Variants in OLA1 observed in about 807,000 individuals in gnomAD.
OLA1 encodes the protein obg-like ATPase 1.
A neutral mutation model predicts 48.4 loss-of-function variants in OLA1; 14 were observed. The ratio of observed to expected loss-of-function variants is 0.29; its 90% CI spans 0.19 to 0.45. The LOEUF (loss-of-function observed/expected upper bound fraction) is 0.45, where lower values mean the gene tolerates loss of function less well. Among genes scored for constraint, OLA1 ranks in the 20% least tolerant of loss-of-function variants. The pLI, the probability that OLA1 is intolerant of heterozygous loss-of-function variation, is 1.00. For missense variants in OLA1, 325 were observed against 467.1 expected (o/e 0.70, Z 2.80); for synonymous variants, 127 against 150.4 (o/e 0.84, Z 1.14).
intron 4 of OLA1, among the ~76,000 whole-genome samples, chr2:174,143,987 T>G (rs1686520488): frequency 6.7e-6 from 1 of 148,296 alleles, no homozygotes; most frequent in African/African-American, 2.5e-5. Flanking sequence ...GCTTATACTC[T>G]TGGCTACTGG....
At chr2:174,081,571 T>TC (rs1473937579) in intron 8 of OLA1, among the ~76,000 whole-genome samples, 2 of 152,092 alleles carry the variant, frequency 1.3e-5, no homozygotes, top group African/African-American at 4.8e-5. Context: ...TTGATTGAAA[T>TC]CTGATATTTA....
intron 2 of OLA1, among the ~76,000 whole-genome samples, chr2:174,232,144 C>T (rs1384848570): frequency 6.6e-6 from 1 of 152,118 alleles, no homozygotes; most frequent in Non-Finnish European, 1.5e-5. Context: ...TGTATGCCCC[C>T]TAGACTTAGG....
chr2:174,167,009 TTAAC>T (rs1220172156), intron 4 of OLA1, among the ~76,000 whole-genome samples: 1 of 152,120 alleles, frequency 6.6e-6, no homozygotes, highest in Non-Finnish European at 1.5e-5. Flanking sequence ...AAGATAAAGA[TTAAC>T]TAACATTAAA....
At chr2:174,095,114 G>A (rs1685217176) in intron 7 of OLA1, among the ~76,000 whole-genome samples, 1 of 152,228 alleles carries the variant, frequency 6.6e-6, no homozygotes, top group African/African-American at 2.4e-5. Context: ...ATGAACATGG[G>A]TGTGCAAATA....
chr2:174,201,352 G>T (rs80289765), intron 4 of OLA1, among the ~76,000 whole-genome samples: 7,927 of 152,202 alleles, frequency 0.052, 288 homozygotes, highest in Middle Eastern at 0.13. Flanking sequence ...CTTTTTAAGA[G>T]ACAGTGTCTG....
chr2:174,104,774 T>C (rs573912112), intron 7 of OLA1, among the ~76,000 whole-genome samples: 9 of 152,124 alleles, frequency 5.9e-5, no homozygotes, highest in Admixed American at 5.9e-4. Flanking sequence ...ATAAAATAAT[T>C]ATGCAATTCC....
At chr2:174,118,870 T>C (rs1295416734) in intron 7 of OLA1, among the ~76,000 whole-genome samples, 2 of 152,148 alleles carry the variant, frequency 1.3e-5, no homozygotes, top group African/African-American at 4.8e-5. Context: ...ATTCCTAATA[T>C]GCATAGGGTC....
At chr2:174,111,585 G>GTACA (rs1277992830) in intron 7 of OLA1, among the ~76,000 whole-genome samples, 9 of 152,226 alleles carry the variant, frequency 5.9e-5, no homozygotes, top group Middle Eastern at 3.4e-3. Flanking sequence ...GGATGTACAT[G>GTACA]TACATATACA....
chr2:174,210,797 A>G (rs1324793901), intron 4 of OLA1, among the ~76,000 whole-genome samples: 3 of 152,210 alleles, frequency 2.0e-5, no homozygotes, highest in Admixed American at 2.0e-4. Context: ...TGCACTGCAT[A>G]TATTAAAACA....
chr2:174,143,858 C>T (rs1420946306), intron 4 of OLA1, among the ~76,000 whole-genome samples: 1 of 151,192 alleles, frequency 6.6e-6, no homozygotes, highest in Non-Finnish European at 1.5e-5. Flanking sequence ...AATCCCAGCA[C>T]TTTGGGTGGC....
At chr2:174,081,775 T>C (rs1684858892) in intron 8 of OLA1, 149 bp downstream of exon 8, 1 of 744,246 alleles carries the variant, frequency 1.3e-6, no homozygotes, top group Non-Finnish European at 2.1e-6. Flanking sequence ...AATAAATCTT[T>C]TCACTCTGTC....
At chr2:174,081,778 ACT>A (rs1245467040) in intron 8 of OLA1, 144 bp downstream of exon 8, 13 of 754,278 alleles carry the variant, frequency 1.7e-5, no homozygotes, top group Middle Eastern at 3.9e-4. Context: ...AAATCTTTTC[ACT>A]CTGTCTCATG....
chr2:174,132,706 C>A (rs185777034), intron 5 of OLA1, among the ~76,000 whole-genome samples: 1 of 152,118 alleles, frequency 6.6e-6, no homozygotes, highest in Non-Finnish European at 1.5e-5. Flanking sequence ...GTAATATATT[C>A]TTTATGACTT....
intron 4 of OLA1, among the ~76,000 whole-genome samples, chr2:174,184,598 T>G (rs144041756): frequency 6.9e-4 from 105 of 152,270 alleles, no homozygotes; most frequent in African/African-American, 2.4e-3. Context: ...ACTGGTGAAA[T>G]CTAAATGAAG....
chr2:174,148,108 C>A (rs186247111), intron 4 of OLA1, among the ~76,000 whole-genome samples: 1 of 152,190 alleles, frequency 6.6e-6, no homozygotes. Context: ...CAAAATAGGC[C>A]GGGCGTGGTG....
chr2:174,202,479 C>T (rs75540353), intron 4 of OLA1, among the ~76,000 whole-genome samples: 8 of 152,226 alleles, frequency 5.3e-5, no homozygotes, highest in East Asian at 1.9e-4. Flanking sequence ...TCTTGCAGTT[C>T]TTGTGTTTTT....
At chr2:174,201,091 C>T (rs542527864) in intron 4 of OLA1, among the ~76,000 whole-genome samples, 182 of 152,214 alleles carry the variant, frequency 1.2e-3, no homozygotes, top group African/African-American at 4.2e-3. Flanking sequence ...AAATGCTTGT[C>T]GGCATCAAAG....
rs1686259921 is a variant in OLA1, at chr2:174,134,671, T to A, written c.549+7154A>T. On this transcript the variant is annotated intron_variant, in intron 5 of 10. Transcript: ENST00000284719. ...ATAATAAAGGCACAAAGTTCCAGTA[T>A]GAAATGATGAAAAAGTTCTGAAAAC... 2.0e-5 allele frequency among the ~76,000 whole-genome samples: 3 copies of A among 152,320 alleles called. No homozygotes were observed. In the East Asian group the frequency reaches 5.8e-4, roughly 29 times the overall value.
chr2:174,138,601 C>T (rs1686366167), intron 5 of OLA1, among the ~76,000 whole-genome samples: 1 of 152,104 alleles, frequency 6.6e-6, no homozygotes, highest in African/African-American at 2.4e-5. Flanking sequence ...AGTTTCTCAA[C>T]ACAGCGTTGC....
Sources: gnomAD v4.1 joint callset for allele counts (sites outside exome capture counted in the v4.1 genomes callset) on GRCh38, gnomAD v4.1.1 for gene constraint, MANE v1.5 for transcripts, NCBI Gene and HGNC (gene_info 2026-07-23, HGNC 2026-07-21) for gene names.